Variants in WDTC1 observed in about 807,000 individuals in gnomAD.
WDTC1 encodes WD and tetratricopeptide repeats 1.
A neutral mutation model predicts 76.0 loss-of-function variants in WDTC1; 12 were observed. The observed-to-expected ratio is 0.16, with a 90% CI of 0.10 to 0.26. The LOEUF is 0.26. WDTC1 is among the 10% of genes least tolerant of loss of function. WDTC1 has a pLI of 1.00. For missense variants in WDTC1, 511 were observed against 908.8 expected (o/e 0.56, Z 5.63); for synonymous variants, 326 against 350.8 (o/e 0.93, Z 0.79).
At chr1:27,293,158 C>T (rs1307450867) in intron 7 of WDTC1, among the ~76,000 whole-genome samples, 2 of 151,464 alleles carry the variant, frequency 1.3e-5, no homozygotes, top group Non-Finnish European at 2.9e-5. Context: ...TTAGGCCGGG[C>T]GTGGTGGCTC....
intron 1 of WDTC1, among the ~76,000 whole-genome samples, chr1:27,237,905 A>G (rs560402065): frequency 6.6e-6 from 1 of 151,964 alleles, no homozygotes; most frequent in South Asian, 2.1e-4. Context: ...GAAAGAAGCC[A>G]GTTCCTTGGT....
At chr1:27,254,797 T>A (rs932261604) in intron 1 of WDTC1, among the ~76,000 whole-genome samples, 1 of 152,090 alleles carries the variant, frequency 6.6e-6, no homozygotes, top group Non-Finnish European at 1.5e-5. Flanking sequence ...CACGCCTGGC[T>A]GATTTTTTTT....
rs1362269354 is a variant in WDTC1, at chr1:27,237,847, G to A, written c.-100+2896G>A. On this transcript the variant is annotated intron_variant, in intron 1 of 15. Transcript: ENST00000319394. ...TTGCACTCCAGCCTGGGCAACAAAA[G>A]TGAAACTCCATCTCAAAAAAAAAAA... Among the ~76,000 whole-genome samples the A allele has an allele frequency of 5.6e-5, 7 of 125,358 alleles. No homozygotes were observed. In the Admixed American group the frequency reaches 6.5e-4, roughly 12 times the overall value. The allele number at this position is 125,358 out of a possible 152,430, so 82.2% of individuals were successfully genotyped here. A position where few individuals can be genotyped will look rare whatever the true frequency, so the allele number is the denominator to read the frequency against.
At chr1:27,284,230 G>T (rs1400148352) in intron 5 of WDTC1, among the ~76,000 whole-genome samples, 2 of 152,058 alleles carry the variant, frequency 1.3e-5, no homozygotes, top group African/African-American at 2.4e-5. Flanking sequence ...GCCCCTGGAG[G>T]AGATGAGTAA....
At chr1:27,265,665 G>T (rs2012638248) in intron 3 of WDTC1, among the ~76,000 whole-genome samples, 1 of 151,842 alleles carries the variant, frequency 6.6e-6, no homozygotes, top group African/African-American at 2.4e-5. Flanking sequence ...AAAAAAAATT[G>T]CTGGGCGCAG....
At chr1:27,271,573 TTGGGAAG>T (rs1030465314) in intron 3 of WDTC1, among the ~76,000 whole-genome samples, 1 of 152,058 alleles carries the variant, frequency 6.6e-6, no homozygotes, top group African/African-American at 2.4e-5. Context: ...ATCAGCAAAG[TTGGGAAG>T]TGGGATGCCA....
At chr1:27,289,165 G>C (rs1263633666) in intron 6 of WDTC1, among the ~76,000 whole-genome samples, 1 of 145,912 alleles carries the variant, frequency 6.9e-6, no homozygotes, top group African/African-American at 2.6e-5. Flanking sequence ...CCGGGCAGAG[G>C]CGCCCCTCAC....
At chr1:27,244,527 A>G (rs146688898) in intron 1 of WDTC1, among the ~76,000 whole-genome samples, 2 of 152,174 alleles carry the variant, frequency 1.3e-5, no homozygotes, top group Non-Finnish European at 2.9e-5. Context: ...AAACTTTTTT[A>G]TAGAGACAGG....
At chr1:27,291,475 G>A (rs2147976923) in intron 6 of WDTC1, among the ~76,000 whole-genome samples, 1 of 152,282 alleles carries the variant, frequency 6.6e-6, no homozygotes, top group South Asian at 2.1e-4. Flanking sequence ...GATAACAGAT[G>A]TCTAGGCAAG....
At chr1:27,246,520 C>T (rs2011837515) in intron 1 of WDTC1, among the ~76,000 whole-genome samples, 1 of 151,536 alleles carries the variant, frequency 6.6e-6, no homozygotes, top group Admixed American at 6.6e-5. Context: ...AATAATGCTG[C>T]TCTGAGTATT....
In WDTC1 at chr1:27,303,633, G is replaced by C. The variant is rs554316857; in HGVS notation, c.1481G>C (p.Gly494Ala). 2.5e-6 allele frequency: 4 copies of C among 1,601,198 alleles called. No homozygotes were observed. Among genetic ancestry groups the C allele is most frequent in the Non-Finnish European group, 3.4e-6 (4 of 1,175,576 alleles). Residue 494 changes from glycine to alanine, a missense_variant, in exon 14 of 16, where the codon GGA becomes GCA. Physicochemically the swap from Gly to Ala is moderately conservative, Grantham distance 60. Transcript: ENST00000319394. This position sits in a 1 kb window ranked among gnomAD's most constrained non-coding sequence, Gnocchi z 4.8. ...FSKNDGEEKK[G>A]PGGGAPVRLR... ...TCTCTGCCCCCAGAGGAGAAGAAGG[G>C]ACCTGGTGGCGGCGCCCCAGTCCGC...
intron 6 of WDTC1, among the ~76,000 whole-genome samples, chr1:27,289,160 C>T (rs2013445204): frequency 6.8e-6 from 1 of 146,108 alleles, no homozygotes; most frequent in Non-Finnish European, 1.5e-5. Context: ...GGCGGCCGGG[C>T]AGAGGCGCCC....
In WDTC1 at chr1:27,287,694, C is replaced by T. The variant is rs2013381197; in HGVS notation, c.312C>T (p.Asp104=). 6.2e-7 allele frequency: 1 copy of T among 1,613,950 alleles called. No homozygotes were observed. Among genetic ancestry groups the T allele is most frequent in the South Asian group, 1.1e-5 (1 of 91,008 alleles). Residue 104 remains aspartate (D), a synonymous_variant, in exon 6 of 16, where the codon GAC becomes GAT. Coordinates refer to ENST00000319394, the MANE Select transcript of WDTC1 (RefSeq NM_001276252.2). ...TATAGTTCCTGCCTCACGCTGGGGA[C>T]CGCATCTTGATCACGGGGGCAGCCG... is the stretch of plus-strand genomic sequence containing the variant. The part of the protein sequence containing the change: ...FSVKFLPHAG[D]RILITGAADS...
intron 2 of WDTC1, among the ~76,000 whole-genome samples, chr1:27,262,428 G>A (rs1425037283): frequency 6.6e-6 from 1 of 151,458 alleles, no homozygotes; most frequent in Non-Finnish European, 1.5e-5. Flanking sequence ...TGCTCTTGTT[G>A]CCCAGGCTGG....
At position 27,306,380 on chromosome 1, in the gene WDTC1, C is replaced by T. The variant is rs777404059; in HGVS notation, c.2031C>T (p.Ser677=). 6.2e-7 allele frequency: 1 copy of T among 1,611,282 alleles called. No individual in the cohort carries two copies. The highest frequency in any genetic ancestry group is 8.5e-7 in the Non-Finnish European group (1 of 1,179,794). ...SSEGQVQCRP[S] is the part of the protein sequence containing the mutation. The stretch of plus-strand genomic sequence containing the variant: ...AGGGCCAGGTGCAGTGCCGGCCCAG[C>T]TAGACCCTCCAGCCCTGGTCCCCAG... Residue 677 remains serine, a synonymous_variant, in exon 16 of 16, where the codon AGC becomes AGT. Transcript: ENST00000319394. This position sits in a 1 kb window ranked among gnomAD's most constrained non-coding sequence, Gnocchi z 5.0.
In WDTC1 at chr1:27,234,888, C is replaced by CA. The variant is rs1260861559; in HGVS notation, c.-163_-162insA. ...CCCCCTTCCCGGGAGAGGGGCCGCC[C>CA]CCCCCGGACGGACATGGGCTCCTGA... On this transcript the variant is annotated 5_prime_UTR_variant, in exon 1 of 16. Transcript: ENST00000319394. 5.1e-6 allele frequency: 2 copies of CA among 395,820 alleles called. No homozygotes were observed. The highest frequency in any genetic ancestry group is 4.1e-5 in the African/African-American group (2 of 48,446). The allele number at this position is 395,820 out of a possible 1,614,324, so 24.5% of individuals were successfully genotyped here.
At chr1:27,271,816 T>A (rs935181225) in intron 3 of WDTC1, among the ~76,000 whole-genome samples, 1 of 150,534 alleles carries the variant, frequency 6.6e-6, no homozygotes, top group East Asian at 2.0e-4. Flanking sequence ...TTTGTATTTT[T>A]AGTAGAGATG....
intron 3 of WDTC1, among the ~76,000 whole-genome samples, chr1:27,279,728 G>A (rs1182072939): frequency 1.3e-5 from 2 of 151,984 alleles, no homozygotes; most frequent in African/African-American, 2.4e-5. Flanking sequence ...CACCACACCT[G>A]GCTAATTTTT....
chr1:27,254,123 AAAAAAAC>A (rs1472665016), intron 1 of WDTC1, among the ~76,000 whole-genome samples: 2 of 152,040 alleles, frequency 1.3e-5, no homozygotes, highest in Admixed American at 1.3e-4. Flanking sequence ...CAAAAAAAAG[AAAAAAAC>A]AAAATGATTT....
Sources: allele counts gnomAD v4.1 joint callset (sites outside exome capture counted in the v4.1 genomes callset), GRCh38; gene constraint gnomAD v4.1.1; non-coding constraint Gnocchi (gnomAD v3.1); transcripts MANE v1.5; gene names NCBI Gene and HGNC (gene_info 2026-07-23, HGNC 2026-07-21).